FSD1L: variants seen among roughly 807,000 people sequenced by gnomAD.
FSD1L encodes the protein fibronectin type III and SPRY domain containing 1 like.
Under a neutral mutation model 71.6 loss-of-function variants are expected in FSD1L, and 45 were observed. The ratio of observed to expected loss-of-function variants is 0.63; its 90% CI spans 0.49 to 0.81. FSD1L has a LOEUF of 0.81. Among genes scored for constraint, FSD1L ranks in the 30% least tolerant of loss-of-function variants. FSD1L has a pLI of 0.00. For synonymous variants in FSD1L, 197 were observed against 207.2 expected, an observed-to-expected ratio of 0.95 and a Z score of 0.42; for missense variants, 561 against 618.1, an observed-to-expected ratio of 0.91 and a Z score of 0.98.
upstream of FSD1L, among the ~76,000 whole-genome samples, chr9:105,446,085 G>A (rs192791216): frequency 9.0e-4 from 135 of 149,628 alleles, no homozygotes; most frequent in Non-Finnish European, 1.6e-3. Context: ...ACAGATATGG[G>A]GTAAAAGAAA....
At chr9:105,494,919 G>T (rs913132007) in intron 7 of FSD1L, among the ~76,000 whole-genome samples, 2 of 152,290 alleles carry the variant, frequency 1.3e-5, no homozygotes, top group East Asian at 3.9e-4. Context: ...TATGGAGGGG[G>T]TGCCTCCCAG....
intron 7 of FSD1L, among the ~76,000 whole-genome samples, chr9:105,492,466 T>G (rs1833018650): frequency 1.3e-5 from 2 of 152,158 alleles, no homozygotes; most frequent in Non-Finnish European, 2.9e-5. Context: ...GATTCATTAA[T>G]TTTTTGAAGG....
chr9:105,551,622 A>G lies in FSD1L; in HGVS notation c.*5139A>G, dbSNP rs1837266289. On this transcript the variant is annotated 3_prime_UTR_variant, in exon 14 of 14. Coordinates refer to ENST00000481272, the MANE Select transcript of FSD1L (RefSeq NM_001145313.3). ...AAAGTGGTATCACCAGTGATTTCTA[A>G]CATGATTTTAAAAAAATAAAACCCC... The G allele has an allele frequency of 6.6e-6, 1 of 152,180 alleles. No homozygotes were observed. The highest frequency in any genetic ancestry group is 2.4e-5 in the African/African-American group (1 of 41,442). 9.4% of individuals were successfully genotyped at this position (152,180 alleles called of 1,614,324 possible).
chr9:105,522,023 G>T, intron 10 of FSD1L: 1 of 1,613,030 alleles, frequency 6.2e-7, no homozygotes, highest in Non-Finnish European at 8.5e-7. Context: ...TCAGAGTCAC[G>T]GAATCTGTAC....
intron 1 of FSD1L, among the ~76,000 whole-genome samples, chr9:105,453,966 T>C (rs1040066599): frequency 6.6e-5 from 10 of 152,246 alleles, no homozygotes; most frequent in African/African-American, 2.2e-4. Context: ...CAGTTATTGA[T>C]GCTTGTTGAT....
At chr9:105,452,673 T>C (rs4998830) in intron 1 of FSD1L, among the ~76,000 whole-genome samples, 3 of 79,684 alleles carry the variant, frequency 3.8e-5, no homozygotes, top group African/African-American at 6.5e-5. Flanking sequence ...CTGCCTGCCT[T>C]CCTTCCTTCC....
upstream of FSD1L, among the ~76,000 whole-genome samples, chr9:105,443,008 T>C (rs976147971): frequency 6.6e-6 from 1 of 152,256 alleles, no homozygotes; most frequent in Non-Finnish European, 1.5e-5. Context: ...TCTGAGTTTT[T>C]CCTTTCAGGC....
chr9:105,476,354 AT>A (rs575576830), intron 5 of FSD1L, among the ~76,000 whole-genome samples: 95 of 152,082 alleles, frequency 6.2e-4, no homozygotes, highest in African/African-American at 2.2e-3. Flanking sequence ...TTACAATTCC[AT>A]TTCTTTAATC....
At chr9:105,442,915 A>G (rs976241238), upstream of FSD1L, among the ~76,000 whole-genome samples, 2 of 152,176 alleles carry the variant, frequency 1.3e-5, no homozygotes, top group Admixed American at 1.3e-4. Flanking sequence ...GTCTAATTAT[A>G]CCTATGGGAT....
intron 5 of FSD1L, among the ~76,000 whole-genome samples, chr9:105,476,979 A>G (rs1056056295): frequency 6.6e-6 from 1 of 152,188 alleles, no homozygotes; most frequent in African/African-American, 2.4e-5. Flanking sequence ...AGCTGGGTAT[A>G]TTCTATGTAA....
chr9:105,502,864 A>G (rs1400901366), intron 7 of FSD1L, among the ~76,000 whole-genome samples: 1 of 150,494 alleles, frequency 6.6e-6, no homozygotes, highest in Non-Finnish European at 1.5e-5. Context: ...AGTTTCGTCC[A>G]GAAGGAAAAC....
Position 105,552,129 on chromosome 9 carries a change from G to A in FSD1L, c.*5646G>A, listed in dbSNP as rs368916477. 3 of 152,262 alleles carry A rather than the reference G, an allele frequency of 2.0e-5. No homozygotes were observed. The East Asian group carries it at 5.8e-4, about 29-fold the overall frequency. The allele number at this position is 152,262 out of a possible 1,614,324, so 9.4% of individuals were successfully genotyped here. On this transcript the variant is annotated 3_prime_UTR_variant, in exon 14 of 14. Transcript: ENST00000481272. ...ATGTCTATTATCTGGACATGATTTT[G>A]CTATGCAGTTGTGATAATAAAAATT...
intron 1 of FSD1L, among the ~76,000 whole-genome samples, chr9:105,452,669 G>GCCTTCCTGCCTTCCTT (rs1830102322): frequency 1.4e-4 from 13 of 96,240 alleles, no homozygotes; most frequent in African/African-American, 3.8e-4. Flanking sequence ...CTGCCTGCCT[G>GCCTTCCTGCCTTCCTT]CCTTCCTTCC....
intron 7 of FSD1L, 38 bp downstream of exon 7, chr9:105,484,540 C>CTT: frequency 2.0e-5 from 26 of 1,281,682 alleles, no homozygotes; most frequent in Middle Eastern, 2.0e-4. Flanking sequence ...TTGTATAAAA[C>CTT]TTTTTTTTTT....
intron 7 of FSD1L, among the ~76,000 whole-genome samples, chr9:105,485,437 C>G (rs756494296): frequency 2.6e-5 from 4 of 151,946 alleles, no homozygotes; most frequent in Non-Finnish European, 4.4e-5. Context: ...CTCTTAAAGG[C>G]ACCACTTCCC....
chr9:105,516,134 C>G (rs1408465129), intron 10 of FSD1L, among the ~76,000 whole-genome samples: 1 of 152,198 alleles, frequency 6.6e-6, no homozygotes, highest in Non-Finnish European at 1.5e-5. Context: ...TGTGGCCAGA[C>G]TGCCAGATTT....
chr9:105,506,854 C>G (rs912353880), intron 8 of FSD1L, among the ~76,000 whole-genome samples: 1 of 151,710 alleles, frequency 6.6e-6, no homozygotes, highest in Middle Eastern at 3.2e-3. Flanking sequence ...CCACTGCAAC[C>G]TCCGCCTCCT....
At chr9:105,495,994 A>G (rs1833371009) in intron 7 of FSD1L, among the ~76,000 whole-genome samples, 1 of 151,400 alleles carries the variant, frequency 6.6e-6, no homozygotes, top group Non-Finnish European at 1.5e-5. Flanking sequence ...AAGAAAAGGA[A>G]TTCTGTGTAG....
intron 7 of FSD1L, among the ~76,000 whole-genome samples, chr9:105,489,908 T>C (rs1715958605): frequency 6.6e-6 from 1 of 152,250 alleles, no homozygotes. Flanking sequence ...CTATCATTGT[T>C]GGACATTTGG....
Sources: allele counts gnomAD v4.1 joint callset (sites outside exome capture counted in the v4.1 genomes callset), GRCh38; gene constraint gnomAD v4.1.1; transcripts MANE v1.5; gene names NCBI Gene and HGNC (gene_info 2026-07-23, HGNC 2026-07-21).